CCDC7: variants seen among roughly 807,000 people sequenced by gnomAD.
CCDC7 encodes the protein coiled-coil domain-containing protein 7.
Under a neutral mutation model 196.9 loss-of-function variants are expected in CCDC7, and 183 were observed. The observed-to-expected ratio is 0.93, with a 90% CI of 0.82 to 1.05. The LOEUF (loss-of-function observed/expected upper bound fraction) is 1.05, where lower values mean the gene tolerates loss of function less well. Ranked by LOEUF, CCDC7 falls within the 50% of genes least tolerant of loss-of-function variation. The pLI, the probability that CCDC7 is intolerant of heterozygous loss-of-function variation, is 0.00. For missense variants in CCDC7, 1,540 were observed against 1,482.2 expected (o/e 1.04, Z -0.64); for synonymous variants, 525 against 484.6 (o/e 1.08, Z -1.10).
exon 34 of CCDC7, chr10:32,845,270 ATACTGGAAG>A (rs2093216878): frequency 6.4e-7 from 1 of 1,573,674 alleles, no homozygotes; most frequent in Admixed American, 1.8e-5. Flanking sequence ...TTAGCAGATG[ATACTGGAAG>A]AGGTATAATA....
chr10:32,542,699 T>C (rs2051694457), intron 11 of CCDC7, among the ~76,000 whole-genome samples: 1 of 150,940 alleles, frequency 6.6e-6, no homozygotes, highest in Non-Finnish European at 1.5e-5. Flanking sequence ...CTGTATATAG[T>C]GTGCCACACC....
At chr10:32,870,538 C>T (rs368281632) in intron 41 of CCDC7, among the ~76,000 whole-genome samples, 1 of 152,038 alleles carries the variant, frequency 6.6e-6, no homozygotes, top group African/African-American at 2.4e-5. Context: ...CATGTCATCT[C>T]CAAACACGGA....
chr10:32,668,649 T>C (rs550429839), intron 21 of CCDC7, among the ~76,000 whole-genome samples: 59 of 152,300 alleles, frequency 3.9e-4, no homozygotes, highest in African/African-American at 1.3e-3. Context: ...TTGTCTTTGG[T>C]TCTGTTTATA....
At chr10:32,580,232 A>G (rs1035978418) in intron 16 of CCDC7, among the ~76,000 whole-genome samples, 5 of 151,926 alleles carry the variant, frequency 3.3e-5, no homozygotes. Flanking sequence ...TGGTGGAGCT[A>G]GATGTAGCTA....
exon 1 of CCDC7, chr10:32,446,219 T>C (rs778686617): frequency 3.3e-5 from 5 of 152,174 alleles, no homozygotes; most frequent in Non-Finnish European, 7.3e-5. Context: ...GGCCTTTTCT[T>C]TCAGCACAAA....
intron 29 of CCDC7, among the ~76,000 whole-genome samples, chr10:32,782,687 T>C (rs1220427328): frequency 6.6e-6 from 1 of 152,102 alleles, no homozygotes; most frequent in Non-Finnish European, 1.5e-5. Flanking sequence ...ACCACACATA[T>C]CCAAAACAAT....
intron 21 of CCDC7, among the ~76,000 whole-genome samples, chr10:32,685,017 G>A (rs974940162): frequency 3.3e-5 from 5 of 151,300 alleles, no homozygotes; most frequent in South Asian, 2.1e-4. Flanking sequence ...AAAAATATGC[G>A]AGGTATACTT....
intron 31 of CCDC7, among the ~76,000 whole-genome samples, chr10:32,817,248 T>A (rs1313337847): frequency 6.6e-6 from 1 of 151,860 alleles, no homozygotes; most frequent in East Asian, 1.9e-4. Context: ...TGATGGAAGA[T>A]CAAATGAATG....
At chr10:32,539,159 C>T (rs1196530039) in intron 11 of CCDC7, among the ~76,000 whole-genome samples, 1 of 151,584 alleles carries the variant, frequency 6.6e-6, no homozygotes, top group Non-Finnish European at 1.5e-5. Context: ...TTTTGGTAAG[C>T]TTTTTGTTAC....
chr10:32,680,282 A>G (rs1340888784), intron 21 of CCDC7, among the ~76,000 whole-genome samples: 1 of 152,200 alleles, frequency 6.6e-6, no homozygotes, highest in African/African-American at 2.4e-5. Flanking sequence ...TTAAGGAATA[A>G]TAAGGAAATA....
intron 28 of CCDC7, among the ~76,000 whole-genome samples, chr10:32,745,830 T>A (rs185705014): frequency 1.2e-4 from 19 of 152,318 alleles, no homozygotes; most frequent in African/African-American, 4.6e-4. Flanking sequence ...AATATTGTCA[T>A]CCTAACTCTA....
rs181017965 is a variant in CCDC7, at chr10:32,859,727, G to A, written c.4111+5238G>A. The stretch of plus-strand genomic sequence containing the variant: ...TAGATGCAATAAAAAATGATAAAGG[G>A]AATATCACCACCGATCCCACAGAAA... On this transcript the variant is annotated intron_variant, in intron 41 of 41. Coordinates refer to ENST00000639629, the Ensembl canonical transcript of CCDC7. Among the ~76,000 whole-genome samples the A allele has an allele frequency of 5.9e-3, 902 of 151,958 alleles. 8 individuals carry two copies. Among genetic ancestry groups the A allele is most frequent in the African/African-American group, 0.021 (860 of 41,452 alleles).
rs189900134 is a variant in CCDC7, at chr10:32,648,359, A to G, written c.2014+13201A>G. ...TTTTAGAATAGTTTTTCCTAATTCT[A>G]GGAAGAATGGTGGTGTTAGTTTGAT... On this transcript the variant is annotated intron_variant, in intron 20 of 41. Coordinates refer to ENST00000639629, the Ensembl canonical transcript of CCDC7. Among the ~76,000 whole-genome samples the G allele has an allele frequency of 3.3e-4, 50 of 152,260 alleles. 1 individual carries two copies. In the Middle Eastern group the frequency reaches 0.01, roughly 31 times the overall value.
intron 31 of CCDC7, among the ~76,000 whole-genome samples, chr10:32,816,156 A>G (rs1271857710): frequency 1.3e-5 from 2 of 152,302 alleles, no homozygotes; most frequent in East Asian, 1.9e-4. Flanking sequence ...CACTTTTCCA[A>G]TGGTCTTAGC....
chr10:32,787,522 C>G (rs892553090), intron 29 of CCDC7, among the ~76,000 whole-genome samples: 1 of 152,154 alleles, frequency 6.6e-6, no homozygotes, highest in African/African-American at 2.4e-5. Flanking sequence ...TCCTTAACTT[C>G]GGGCAGCACA....
At chr10:32,571,175 A>C (rs1242699334) in intron 15 of CCDC7, among the ~76,000 whole-genome samples, 1 of 151,728 alleles carries the variant, frequency 6.6e-6, no homozygotes, top group Non-Finnish European at 1.5e-5. Flanking sequence ...TGCCCAGCTA[A>C]TTTTTGTATG....
At chr10:32,484,587 G>T (rs1368747291) in intron 8 of CCDC7, among the ~76,000 whole-genome samples, 1 of 152,134 alleles carries the variant, frequency 6.6e-6, no homozygotes, top group Non-Finnish European at 1.5e-5. Flanking sequence ...TTTTCAAAGG[G>T]AATGCTTCCA....
intron 32 of CCDC7, among the ~76,000 whole-genome samples, chr10:32,828,149 A>C (rs941700963): frequency 6.6e-6 from 1 of 152,124 alleles, no homozygotes; most frequent in Admixed American, 6.6e-5. Flanking sequence ...AAATCTTTGA[A>C]TCTACCTCCA....
chr10:32,488,197 C>T (rs931956629), intron 8 of CCDC7, among the ~76,000 whole-genome samples: 2 of 152,242 alleles, frequency 1.3e-5, no homozygotes, highest in Non-Finnish European at 2.9e-5. Flanking sequence ...GGCGCCCCTC[C>T]CTCAGCCTTG....
Sources: allele counts gnomAD v4.1 joint callset (sites outside exome capture counted in the v4.1 genomes callset), GRCh38; gene constraint gnomAD v4.1.1; transcripts MANE v1.5; gene names NCBI Gene and HGNC (gene_info 2026-07-23, HGNC 2026-07-21).